Variants in TBCK observed in about 807,000 individuals in gnomAD.
TBCK encodes the protein TBC domain-containing protein kinase-like protein.
In TBCK, 99 loss-of-function variants were observed where a neutral mutation model predicts 113.4. The observed-to-expected ratio is 0.87, with a 90% CI of 0.74 to 1.03. The LOEUF (loss-of-function observed/expected upper bound fraction) is 1.03, where lower values mean the gene tolerates loss of function less well. Among genes scored for constraint, TBCK ranks in the 50% least tolerant of loss-of-function variants. The pLI is 0.00. For missense variants in TBCK, 1,045 were observed against 1,061.3 expected (o/e 0.98, Z 0.21); for synonymous variants, 369 against 370.8 (o/e 1.00, Z 0.05).
At chr4:106,198,088 C>T (rs1754466452) in intron 20 of TBCK, among the ~76,000 whole-genome samples, 1 of 152,092 alleles carries the variant, frequency 6.6e-6, no homozygotes, top group Admixed American at 6.6e-5. Flanking sequence ...ATTTTGTACT[C>T]ATGCATTTAA....
intron 19 of TBCK, among the ~76,000 whole-genome samples, chr4:106,226,665 C>T (rs781254881): frequency 5.5e-4 from 83 of 152,226 alleles, no homozygotes; most frequent in Non-Finnish European, 9.1e-4. Flanking sequence ...TACTAACCTG[C>T]TTATTTTTTA....
chr4:106,269,233 T>A lies in TBCK; in HGVS notation c.267-7021A>T, dbSNP rs578081270. Among the ~76,000 whole-genome samples, 17 of 152,302 alleles carry A rather than the reference T, an allele frequency of 1.1e-4. No individual in the cohort carries two copies. In the East Asian group the frequency reaches 3.3e-3, roughly 29 times the overall value. On this transcript the variant is annotated intron_variant, in intron 3 of 25. Coordinates refer to ENST00000394708, the MANE Select transcript of TBCK (RefSeq NM_001163435.3). ...TGCTTACTAATGATTAATGTTCAGA[T>A]AATATTACAAGTGAATAATTCTGTG...
chr4:106,129,279 C>G (rs1745593373), intron 23 of TBCK, among the ~76,000 whole-genome samples: 1 of 152,120 alleles, frequency 6.6e-6, no homozygotes, highest in South Asian at 2.1e-4. Flanking sequence ...GCTATTTATC[C>G]TGATGCTCTC....
At chr4:106,102,694 G>T (rs1365204202) in intron 24 of TBCK, among the ~76,000 whole-genome samples, 1 of 152,094 alleles carries the variant, frequency 6.6e-6, no homozygotes, top group Non-Finnish European at 1.5e-5. Context: ...ACTGTGTTAG[G>T]CAAAGACTTC....
chr4:106,238,075 AATTGAGAC>A (rs1281858104), intron 12 of TBCK, among the ~76,000 whole-genome samples: 4 of 152,196 alleles, frequency 2.6e-5, no homozygotes, highest in Admixed American at 2.6e-4. Context: ...ACTGTAAAGG[AATTGAGAC>A]ATTTAGATTT....
chr4:106,131,170 C>T (rs1344860836), intron 23 of TBCK, among the ~76,000 whole-genome samples: 1 of 152,176 alleles, frequency 6.6e-6, no homozygotes, highest in East Asian at 1.9e-4. Context: ...AAGCTCTTGC[C>T]TGCCGCCATG....
intron 25 of TBCK, among the ~76,000 whole-genome samples, chr4:106,051,444 T>G (rs1202777054): frequency 6.6e-6 from 1 of 151,914 alleles, no homozygotes; most frequent in Non-Finnish European, 1.5e-5. Context: ...CTCCAAATAA[T>G]CCTACATTTG....
At chr4:106,264,363 T>C (rs571842355) in intron 3 of TBCK, among the ~76,000 whole-genome samples, 1 of 152,084 alleles carries the variant, frequency 6.6e-6, no homozygotes, top group East Asian at 1.9e-4. Flanking sequence ...AAATGTATGA[T>C]TCGGGCAGAG....
In TBCK at chr4:106,103,969, C is replaced by T. The variant is rs1741848946; in HGVS notation, c.2412-8328G>A. On this transcript the variant is annotated intron_variant, in intron 24 of 25. Coordinates refer to ENST00000394708, the MANE Select transcript of TBCK (RefSeq NM_001163435.3). ...AACGGCCCCAGAAAAACACACTTCTCTCACAGGTCTTTGCAACCCTCAGGT... is the reference window on the plus strand; with the variant it reads ...AACGGCCCCAGAAAAACACACTTCTTTCACAGGTCTTTGCAACCCTCAGGT... Among the ~76,000 whole-genome samples the T allele has an allele frequency of 3.9e-5, 6 of 152,328 alleles. No homozygotes were observed. In the South Asian group the frequency reaches 1.0e-3, roughly 26 times the overall value.
At chr4:106,296,283 T>C (rs953920378) in intron 2 of TBCK, among the ~76,000 whole-genome samples, 1 of 152,134 alleles carries the variant, frequency 6.6e-6, no homozygotes, top group African/African-American at 2.4e-5. Context: ...AGTTGGAGTG[T>C]TGTCAGTATC....
intron 23 of TBCK, among the ~76,000 whole-genome samples, chr4:106,118,154 T>A (rs1743781712): frequency 6.6e-6 from 1 of 152,214 alleles, no homozygotes; most frequent in South Asian, 2.1e-4. Flanking sequence ...TTCTCTTTTT[T>A]CTCAGTTACA....
At chr4:106,231,662 T>C in intron 18 of TBCK, 67 bp downstream of exon 18, 1 of 1,470,138 alleles carries the variant, frequency 6.8e-7, no homozygotes, top group Non-Finnish European at 9.3e-7. Context: ...ACAAAAACCT[T>C]TCATGTGTGA....
chr4:106,215,961 T>G (rs1756851424), intron 19 of TBCK, among the ~76,000 whole-genome samples: 2 of 147,976 alleles, frequency 1.4e-5, no homozygotes, highest in Admixed American at 1.3e-4. Context: ...ACCACATACT[T>G]GGAAGTAAAG....
chr4:106,284,058 T>C (rs1033472797), intron 3 of TBCK, among the ~76,000 whole-genome samples: 1 of 152,126 alleles, frequency 6.6e-6, no homozygotes, highest in Admixed American at 6.5e-5. Context: ...AGATAACAAG[T>C]CTAAATGTAG....
At chr4:106,238,996 A>T (rs1020367834) in intron 12 of TBCK, among the ~76,000 whole-genome samples, 2 of 152,096 alleles carry the variant, frequency 1.3e-5, no homozygotes, top group Non-Finnish European at 1.5e-5. Context: ...CAGGGTGAAG[A>T]TCTGAGAAAA....
intron 19 of TBCK, among the ~76,000 whole-genome samples, chr4:106,227,537 G>A (rs1305245890): frequency 6.6e-6 from 1 of 151,370 alleles, no homozygotes. Context: ...TACTAATTGA[G>A]ATCCCACTTA....
chr4:106,071,089 C>G (rs1475166906), intron 25 of TBCK, among the ~76,000 whole-genome samples: 2 of 152,118 alleles, frequency 1.3e-5, no homozygotes, highest in Non-Finnish European at 2.9e-5. Flanking sequence ...TTTTGTTTCT[C>G]TATCTCCTTC....
At chr4:106,065,847 GGTACCTTAAGTAAACTAAGATCTTT>G (rs1215227352) in intron 25 of TBCK, among the ~76,000 whole-genome samples, 2 of 151,970 alleles carry the variant, frequency 1.3e-5, no homozygotes, top group Admixed American at 6.6e-5. Flanking sequence ...GCCTCTACAT[GGTACCTTAAGTAAACTAAGATCTTT>G]GCAGTCCTTC....
intron 3 of TBCK, among the ~76,000 whole-genome samples, chr4:106,294,401 G>C (rs1421501924): frequency 6.6e-6 from 1 of 151,838 alleles, no homozygotes; most frequent in Non-Finnish European, 1.5e-5. Context: ...GGTGAGGCGG[G>C]TGGATCACAA....
Sources: allele counts gnomAD v4.1 joint callset (sites outside exome capture counted in the v4.1 genomes callset), GRCh38; gene constraint gnomAD v4.1.1; transcripts MANE v1.5; gene names NCBI Gene and HGNC (gene_info 2026-07-23, HGNC 2026-07-21).